Variants in DPP6 observed in about 807,000 individuals in gnomAD.
The protein encoded by DPP6 is dipeptidyl peptidase like 6, also known as A-type potassium channel modulatory protein DPP6.
DPP6 carries 69 observed loss-of-function variants against 122.6 expected under a neutral mutation model. The observed-to-expected ratio is 0.56, with a 90% CI of 0.46 to 0.69. The LOEUF is 0.69. Ranked by LOEUF, DPP6 falls within the 30% of genes least tolerant of loss-of-function variation. The pLI is 0.00. For synonymous variants in DPP6, 418 were observed against 433.1 expected, an observed-to-expected ratio of 0.97 and a Z score of 0.43; for missense variants, 928 against 1,116.9, an observed-to-expected ratio of 0.83 and a Z score of 2.41.
intron 1 of DPP6, among the ~76,000 whole-genome samples, chr7:154,169,002 C>T (rs1008010309): frequency 1.3e-5 from 2 of 152,164 alleles, no homozygotes; most frequent in Non-Finnish European, 2.9e-5. Flanking sequence ...CAAAGCAAAG[C>T]TGTGGAGTGG....
At chr7:153,847,103 A>G in the DPP6 span, among the ~76,000 whole-genome samples, 2 of 152,326 alleles carry the variant, frequency 1.3e-5, no homozygotes, top group Non-Finnish European at 2.9e-5. Context: ...GATGTTAAGA[A>G]TATCTGTGAT....
chr7:154,608,331 A>ATC (rs1833693786), intron 5 of DPP6, among the ~76,000 whole-genome samples: 1 of 112,544 alleles, frequency 8.9e-6, no homozygotes, highest in South Asian at 3.4e-4. Context: ...ATATATATAT[A>ATC]TATATATATA....
chr7:154,054,057 G>T (rs1471891393), intron 1 of DPP6, among the ~76,000 whole-genome samples: 2 of 148,716 alleles, frequency 1.3e-5, no homozygotes, highest in African/African-American at 5.0e-5. Context: ...GGTCTGGCTT[G>T]GCTGGTACAG....
Position 154,540,992 on chromosome 7 carries a change from G to A in DPP6, c.552+366G>A, listed in dbSNP as rs374915620. 4.3e-4 allele frequency among the ~76,000 whole-genome samples: 66 copies of A among 152,256 alleles called. 1 individual carries two copies. In the South Asian group the frequency reaches 0.01, roughly 24 times the overall value. On this transcript the variant is annotated intron_variant, in intron 4 of 25. Transcript: ENST00000377770. ...TCCTGTTTAAAAAAAGCTCGTCTCC[G>A]CATGCATAGGAAGTATTAACTTAGG... is the stretch of plus-strand genomic sequence containing the variant.
chr7:154,229,334 C>G (rs1303162666), intron 1 of DPP6, among the ~76,000 whole-genome samples: 1 of 152,158 alleles, frequency 6.6e-6, no homozygotes, highest in African/African-American at 2.4e-5. Context: ...GATCTTGACC[C>G]TATTTGTTGA....
At chr7:154,346,253 A>G (rs1029571723) in intron 1 of DPP6, among the ~76,000 whole-genome samples, 1 of 152,136 alleles carries the variant, frequency 6.6e-6, no homozygotes, top group Non-Finnish European at 1.5e-5. Context: ...AACAAAACTG[A>G]AGACTTTTCA....
chr7:154,558,668 A>G (rs1830209131), intron 4 of DPP6, among the ~76,000 whole-genome samples: 1 of 152,218 alleles, frequency 6.6e-6, no homozygotes, highest in Non-Finnish European at 1.5e-5. Context: ...GGAGCCTTGG[A>G]GCAATAGGCT....
chr7:154,749,914 GA>G (rs1356920339), intron 8 of DPP6, among the ~76,000 whole-genome samples: 2 of 128,826 alleles, frequency 1.6e-5, no homozygotes, highest in African/African-American at 6.1e-5. Context: ...GAGAGGGATG[GA>G]GGCTTTACTG....
At chr7:154,199,813 G>C (rs1485518675) in intron 1 of DPP6, among the ~76,000 whole-genome samples, 1 of 152,030 alleles carries the variant, frequency 6.6e-6, no homozygotes, top group Non-Finnish European at 1.5e-5. Context: ...TCGCCATGTT[G>C]GTCAGGCTAG....
Position 154,008,000 on chromosome 7 carries a change from C to G in DPP6, c.51+120266C>G, listed in dbSNP as rs200534015. Among the ~76,000 whole-genome samples, 687 of 152,280 alleles carry G rather than the reference C, an allele frequency of 4.5e-3. 5 individuals carry two copies. Among genetic ancestry groups the G allele is most frequent in the South Asian group, 0.029 (139 of 4,820 alleles). On this transcript the variant is annotated intron_variant, in intron 1 of 25. Transcript: ENST00000404039. Reference sequence around the variant, plus strand: ...CAACGGAGTGTGGGCAGTGTCCTCCCGGATGTTCAGAAGAAAAGGACCCTG... The same window carrying G: ...CAACGGAGTGTGGGCAGTGTCCTCCGGGATGTTCAGAAGAAAAGGACCCTG...
intron 8 of DPP6, among the ~76,000 whole-genome samples, chr7:154,735,643 G>A (rs568090104): frequency 2.6e-5 from 4 of 152,310 alleles, no homozygotes; most frequent in African/African-American, 9.6e-5. Context: ...ATTTTACCTT[G>A]TAGAGAGACA....
At chr7:154,373,445 G>A (rs894290250) in intron 1 of DPP6, among the ~76,000 whole-genome samples, 1 of 152,174 alleles carries the variant, frequency 6.6e-6, no homozygotes, top group Admixed American at 6.5e-5. Flanking sequence ...GCTCCTGGCC[G>A]CTGAGGTGCA....
intron 2 of DPP6, among the ~76,000 whole-genome samples, chr7:154,469,982 C>A (rs138716717): frequency 1.7e-3 from 259 of 152,262 alleles, no homozygotes; most frequent in African/African-American, 5.6e-3. Context: ...ATGGTACCGA[C>A]GTTGGAAAAT....
intron 1 of DPP6, among the ~76,000 whole-genome samples, chr7:154,067,914 T>TTTTG (rs1554452155): frequency 1.2e-4 from 17 of 141,164 alleles, no homozygotes; most frequent in East Asian, 1.2e-3. Context: ...TTTGTTTTTT[T>TTTTG]TTTGTTTGTT....
At chr7:154,503,730 A>C (rs1369215922) in intron 3 of DPP6, among the ~76,000 whole-genome samples, 1 of 152,186 alleles carries the variant, frequency 6.6e-6, no homozygotes, top group African/African-American at 2.4e-5. Flanking sequence ...TTTTGGGGTA[A>C]GGAAACTGAG....
At chr7:154,333,877 A>T (rs967296101) in intron 1 of DPP6, among the ~76,000 whole-genome samples, 8 of 152,230 alleles carry the variant, frequency 5.3e-5, no homozygotes, top group Admixed American at 5.2e-4. Context: ...AAATGCTCAC[A>T]GTCATGGACA....
intron 1 of DPP6, among the ~76,000 whole-genome samples, chr7:154,391,050 G>T (rs1218735176): frequency 6.6e-6 from 1 of 152,176 alleles, no homozygotes; most frequent in Non-Finnish European, 1.5e-5. Flanking sequence ...GGGATTAAAT[G>T]AGGTGATGTG....
At chr7:154,501,464 G>A (rs1016008200) in intron 3 of DPP6, among the ~76,000 whole-genome samples, 3 of 152,146 alleles carry the variant, frequency 2.0e-5, no homozygotes, top group Non-Finnish European at 4.4e-5. Flanking sequence ...TGTGCTGTGT[G>A]CAGCCTAGGG....
chr7:154,881,856 G>A (rs372690169), intron 21 of DPP6, among the ~76,000 whole-genome samples: 2 of 152,114 alleles, frequency 1.3e-5, no homozygotes, highest in Admixed American at 6.5e-5. Context: ...TTCAGAGCCC[G>A]GGCACAGAGC....
Sources: allele counts gnomAD v4.1 joint callset (sites outside exome capture counted in the v4.1 genomes callset), GRCh38; gene constraint gnomAD v4.1.1; transcripts MANE v1.5; gene names NCBI Gene and HGNC (gene_info 2026-07-23, HGNC 2026-07-21).